CEP350: variants seen among roughly 807,000 people sequenced by gnomAD.
The protein encoded by CEP350 is centrosome-associated protein 350.
In CEP350, 126 loss-of-function variants were observed where a neutral mutation model predicts 331.8. That is an observed-to-expected ratio of 0.38 (90% CI 0.33 to 0.44). The LOEUF is 0.44. Ranked by LOEUF, CEP350 falls within the 20% of genes least tolerant of loss-of-function variation. CEP350 has a pLI of 1.00. For synonymous variants in CEP350, 1,200 were observed against 1,259.5 expected, an observed-to-expected ratio of 0.95 and a Z score of 1.00; for missense variants, 3,406 against 3,634.6, an observed-to-expected ratio of 0.94 and a Z score of 1.62.
At chr1:179,983,384 G>A (rs147481151) in intron 1 of CEP350, among the ~76,000 whole-genome samples, 96 of 152,034 alleles carry the variant, frequency 6.3e-4, no homozygotes, top group African/African-American at 1.9e-3. Flanking sequence ...ACAGATGTGC[G>A]CCACCATGCC....
rs1290774475 is a variant in CEP350, at chr1:180,004,909, T to TGC, written c.1133-1545_1133-1544insGC. On this transcript the variant is annotated intron_variant, in intron 7 of 37. Transcript: ENST00000367607. ...TTGCTTGCTTGCTTGCTTGCTTGCT[T>TGC]TCTTTCTTTCTTTCTTTCTTTCTTT... 6.8e-3 allele frequency among the ~76,000 whole-genome samples: 420 copies of TGC among 61,694 alleles called. 1 individual carries two copies. Among genetic ancestry groups the TGC allele is most frequent in the East Asian group, 0.036 (57 of 1,590 alleles). The allele number at this position is 61,694 out of a possible 152,430, so 40.5% of individuals were successfully genotyped here.
chr1:180,031,594 C>CTG (rs1278567777), intron 15 of CEP350, 100 bp downstream of exon 15: 2 of 479,012 alleles, frequency 4.2e-6, no homozygotes, highest in East Asian at 7.9e-5. Context: ...GTCCCCTTAA[C>CTG]TGTGCATGTC....
chr1:179,961,037 T>G (rs1650568074), intron 1 of CEP350, among the ~76,000 whole-genome samples: 1 of 152,178 alleles, frequency 6.6e-6, no homozygotes, highest in African/African-American at 2.4e-5. Flanking sequence ...AAAGGTTGAT[T>G]TTTTACATTT....
chr1:180,005,090 G>T (rs1571853963), intron 7 of CEP350, among the ~76,000 whole-genome samples: 1 of 137,482 alleles, frequency 7.3e-6, no homozygotes. Context: ...TTTTTTTACA[G>T]CTTATCTATC....
At chr1:180,074,953 T>C (rs1659128599) in intron 27 of CEP350, 69 bp from the exon 28 acceptor site, 5 of 1,321,028 alleles carry the variant, frequency 3.8e-6, no homozygotes, top group Non-Finnish European at 4.1e-6. Flanking sequence ...TGGTGAGTGA[T>C]AGAGCTCTCA....
At chr1:180,083,294 G>C (rs558865825) in intron 30 of CEP350, among the ~76,000 whole-genome samples, 1 of 152,210 alleles carries the variant, frequency 6.6e-6, no homozygotes, top group African/African-American at 2.4e-5. Context: ...GAAATAAGCA[G>C]TGTCTTTAAA....
intron 8 of CEP350, among the ~76,000 whole-genome samples, chr1:180,008,793 A>T (rs1462781480): frequency 1.3e-5 from 2 of 152,206 alleles, no homozygotes; most frequent in South Asian, 2.1e-4. Context: ...GTAAGAGGTC[A>T]CAAGATGTTA....
Position 180,020,002 on chromosome 1 carries a change from T to C in CEP350, c.2228T>C (p.Val743Ala), listed in dbSNP as rs532279244. The change falls in exon 12 of 38, where the codon GTT becomes GCT. Residue 743 changes from valine to alanine, a missense_variant. Val to Ala is a moderately conservative substitution (Grantham distance 64). Coordinates refer to ENST00000367607, the MANE Select transcript of CEP350 (RefSeq NM_014810.5). ...CAGCCTGAAAGATTGAGCCCACAAG[T>C]TCACCATTCTCAACCACAGCCTTTT... The part of the protein sequence containing the change: ...WMQPERLSPQ[V>A]HHSQPQPFAG... 6.2e-7 allele frequency: 1 copy of C among 1,613,508 alleles called. No individual in the cohort carries two copies. Among genetic ancestry groups the C allele is most frequent in the East Asian group, 2.2e-5 (1 of 44,886 alleles).
At position 180,111,290 on chromosome 1, in the gene CEP350, T is replaced by C. The variant is rs1661458130; in HGVS notation, c.*129T>C. Reference sequence around the variant, plus strand: ...TGTACTTATTCTTAAAGACTACCAGTATGGAGTTCATAGGACAATGTGGTA... The same window carrying C: ...TGTACTTATTCTTAAAGACTACCAGCATGGAGTTCATAGGACAATGTGGTA... On this transcript the variant is annotated 3_prime_UTR_variant, in exon 38 of 38. Transcript: ENST00000367607. 1 of 1,115,734 alleles carries C rather than the reference T, an allele frequency of 9.0e-7. No individual in the cohort carries two copies. Among genetic ancestry groups the C allele is most frequent in the South Asian group, 1.6e-5 (1 of 62,202 alleles). 69.1% of individuals were successfully genotyped at this position (1,115,734 alleles called of 1,614,324 possible).
At position 179,991,979 on chromosome 1, in the gene CEP350, A is replaced by G. The variant is rs1335032421; in HGVS notation, c.236-83A>G. ...CAACTATTAGAAATAATAGATACCT[A>G]ATTTTTTTTTTAAGATACCAGCCTA... is the stretch of plus-strand genomic sequence containing the variant. On this transcript the variant is annotated intron_variant, in intron 4 of 37. Coordinates refer to ENST00000367607, the MANE Select transcript of CEP350 (RefSeq NM_014810.5). 17 of 1,319,638 alleles carry G rather than the reference A, an allele frequency of 1.3e-5. 1 individual carries two copies. The highest frequency in any genetic ancestry group is 7.8e-5 in the African/African-American group (5 of 63,970). The allele number at this position is 1,319,638 out of a possible 1,614,324, so 81.7% of individuals were successfully genotyped here.
intron 1 of CEP350, among the ~76,000 whole-genome samples, chr1:179,975,223 G>T (rs1651772106): frequency 6.6e-6 from 1 of 151,880 alleles, no homozygotes; most frequent in Non-Finnish European, 1.5e-5. Flanking sequence ...ATACCTATTC[G>T]ACAGGAAAGT....
At chr1:180,039,512 C>T (rs1656610882) in intron 17 of CEP350, among the ~76,000 whole-genome samples, 2 of 152,074 alleles carry the variant, frequency 1.3e-5, no homozygotes, top group Admixed American at 1.3e-4. Context: ...TTCAATTGTT[C>T]CAGCACCATT....
chr1:179,995,606 A>AAATC (rs914903926), intron 5 of CEP350, among the ~76,000 whole-genome samples: 10 of 152,194 alleles, frequency 6.6e-5, no homozygotes, highest in South Asian at 2.1e-4. Context: ...TCCTTCTCAA[A>AAATC]AATCAATCAA....
At chr1:180,086,887 T>A (rs1047839479) in intron 31 of CEP350, among the ~76,000 whole-genome samples, 4 of 152,174 alleles carry the variant, frequency 2.6e-5, no homozygotes, top group African/African-American at 7.2e-5. Context: ...ATAGGCTACT[T>A]TGGACCAGGC....
chr1:180,020,406 A>G lies in CEP350; in HGVS notation c.2632A>G (p.Thr878Ala). The G allele has an allele frequency of 6.2e-7, 1 of 1,613,876 alleles. No individual in the cohort carries two copies. Among genetic ancestry groups the G allele is most frequent in the Non-Finnish European group, 8.5e-7 (1 of 1,179,900 alleles). Residue 878 changes from threonine (T) to alanine (A), a missense_variant, in exon 12 of 38, where the codon ACT becomes GCT. Around this residue, in one of 5 missense-constraint regions of CEP350, gnomAD observed 1,857 missense variants for 1,909.2 expected, o/e 0.97. Transcript: ENST00000367607. Reference protein sequence around the residue: ...QEDGPWTKAVTPPVKDDNEDV... With the variant: ...QEDGPWTKAVAPPVKDDNEDV... ...AGATGGACCTTGGACCAAGGCTGTA[A>G]CTCCACCTGTGAAAGATGATAATGA...
intron 1 of CEP350, among the ~76,000 whole-genome samples, chr1:179,975,760 A>G (rs1458235824): frequency 6.6e-6 from 1 of 152,214 alleles, no homozygotes; most frequent in Non-Finnish European, 1.5e-5. Flanking sequence ...TTGAGGTGCC[A>G]ATGGTGCTTG....
chr1:180,093,342 A>C lies in CEP350; in HGVS notation c.7237A>C (p.Arg2413=). 1 of 1,599,782 alleles carries C rather than the reference A, an allele frequency of 6.3e-7. No individual in the cohort carries two copies. The highest frequency in any genetic ancestry group is 8.5e-7 in the Non-Finnish European group (1 of 1,172,976). The change falls in exon 34 of 38, where the codon AGA becomes CGA. Residue 2413 remains arginine (R), a synonymous_variant. Transcript: ENST00000367607. The part of the protein sequence containing the change: ...LSLRKDSQSC[R]DKPQPMRSST... Reference sequence around the variant, plus strand: ...ACTCAGGAAAGACTCTCAGTCTTGCAGAGATAAGCCACAGCCAATGAGGAG... The same window carrying C: ...ACTCAGGAAAGACTCTCAGTCTTGCCGAGATAAGCCACAGCCAATGAGGAG...
intron 21 of CEP350, among the ~76,000 whole-genome samples, chr1:180,044,832 A>G (rs1657014307): frequency 6.6e-6 from 1 of 151,708 alleles, no homozygotes; most frequent in South Asian, 2.1e-4. Flanking sequence ...TATAATAATA[A>G]TAAAATTTAA....
chr1:179,966,457 G>A (rs1429413710), intron 1 of CEP350, among the ~76,000 whole-genome samples: 1 of 152,190 alleles, frequency 6.6e-6, no homozygotes, highest in African/African-American at 2.4e-5. Flanking sequence ...GCTGGAAGGT[G>A]TAGTACTCAG....
Sources: gnomAD v4.1 joint callset for allele counts (sites outside exome capture counted in the v4.1 genomes callset) on GRCh38, gnomAD v4.1.1 for gene constraint, gnomAD v4.1.1 regional missense constraint, MANE v1.5 for transcripts, NCBI Gene and HGNC (gene_info 2026-07-23, HGNC 2026-07-21) for gene names.